The following STUM variants were observed in gnomAD, a reference collection of about 807,000 sequenced individuals.
The protein encoded by STUM is stum, mechanosensory transduction mediator homolog.
Under a neutral mutation model 15.3 loss-of-function variants are expected in STUM, and 8 were observed. The ratio of observed to expected loss-of-function variants is 0.52; its 90% CI spans 0.31 to 0.94. STUM has a LOEUF of 0.94. Among genes scored for constraint, STUM ranks in the 40% least tolerant of loss-of-function variants. The probability of loss-of-function intolerance (pLI) is 0.05; values close to 1 mark genes in which losing one functional copy is unlikely to be tolerated. For missense variants in STUM, 142 were observed against 204.9 expected, an observed-to-expected ratio of 0.69 and a Z score of 1.87; for synonymous variants, 78 against 88.7, an observed-to-expected ratio of 0.88 and a Z score of 0.68.
intron 1 of STUM, among the ~76,000 whole-genome samples, chr1:226,570,558 C>A (rs1008154542): frequency 6.6e-6 from 1 of 152,230 alleles, no homozygotes; most frequent in African/African-American, 2.4e-5. Flanking sequence ...GTTTCCACCC[C>A]ACAGGGGCCA....
chr1:226,564,589 C>G (rs980415941), intron 1 of STUM, among the ~76,000 whole-genome samples: 1 of 152,206 alleles, frequency 6.6e-6, no homozygotes, highest in Non-Finnish European at 1.5e-5. Flanking sequence ...TCTGGTCTAC[C>G]TGCCACTCTA....
intron 1 of STUM, among the ~76,000 whole-genome samples, chr1:226,573,819 AT>A (rs1667760346): frequency 6.6e-6 from 1 of 151,362 alleles, no homozygotes; most frequent in South Asian, 2.1e-4. Context: ...CTCCTAGTGA[AT>A]TTCCAGTGTA....
intron 1 of STUM, among the ~76,000 whole-genome samples, chr1:226,568,021 C>T (rs936333483): frequency 6.6e-6 from 1 of 152,124 alleles, no homozygotes; most frequent in African/African-American, 2.4e-5. Flanking sequence ...ATGTGCGTGC[C>T]CGGGAGCCTG....
At chr1:226,590,723 T>G (rs1231289735) in intron 1 of STUM, among the ~76,000 whole-genome samples, 1 of 152,126 alleles carries the variant, frequency 6.6e-6, no homozygotes, top group Non-Finnish European at 1.5e-5. Context: ...CTCCTCTGAG[T>G]CCAGTCTGTG....
rs1203607075 is a variant in STUM, at chr1:226,606,744, G to A, written c.*4704G>A. On this transcript the variant is annotated 3_prime_UTR_variant, in exon 4 of 4. Coordinates refer to ENST00000366788, the MANE Select transcript of STUM (RefSeq NM_001003665.4). The stretch of plus-strand genomic sequence containing the variant: ...TAGGGAGCAGCCTGAAGCCTTTGCT[G>A]TCAACCCTCCCAGGAAAGAAGCCGG... The A allele has an allele frequency of 6.6e-6, 1 of 152,228 alleles. No individual in the cohort carries two copies. Among genetic ancestry groups the A allele is most frequent in the East Asian group, 1.9e-4 (1 of 5,198 alleles). 9.4% of individuals were successfully genotyped at this position (152,228 alleles called of 1,614,324 possible).
intron 1 of STUM, among the ~76,000 whole-genome samples, chr1:226,560,602 G>A (rs887660506): frequency 3.3e-5 from 5 of 152,224 alleles, no homozygotes; most frequent in Non-Finnish European, 1.5e-5. Flanking sequence ...GATGGAGTGA[G>A]TCACTCTCTC....
At chr1:226,557,609 GT>G (rs1667466975) in intron 1 of STUM, among the ~76,000 whole-genome samples, 1 of 152,126 alleles carries the variant, frequency 6.6e-6, no homozygotes, top group African/African-American at 2.4e-5. Flanking sequence ...GTGTACAAGG[GT>G]TCCCCTTTTC....
rs1558276166 is a variant in STUM at position 226,552,516 on chromosome 1, A to G, written c.202+3410A>G. On this transcript the variant is annotated intron_variant, in intron 1 of 3. Coordinates refer to ENST00000366788, the MANE Select transcript of STUM (RefSeq NM_001003665.4). The surrounding 1 kb of genome is among the most constrained non-coding windows in gnomAD (Gnocchi z 4.7). ...GTCTAGTGGTCAGGGGTATAATTAT[A>G]CTTTTATATTTAAAAATTATATCTA... Among the ~76,000 whole-genome samples the G allele has an allele frequency of 6.6e-6, 1 of 152,304 alleles. No homozygotes were observed. The highest frequency in any genetic ancestry group is 2.1e-4 in the South Asian group (1 of 4,824).
intron 1 of STUM, among the ~76,000 whole-genome samples, chr1:226,594,166 A>G (rs1668134400): frequency 1.3e-5 from 2 of 152,180 alleles, no homozygotes. Context: ...TCTGAAGCAC[A>G]AAGGTGTGGG....
chr1:226,602,315 T>G lies in STUM; in HGVS notation c.*275T>G. ...GAGATGAGAACGCCCACAGAGAGGCTGGGATGCTCCGGCAGGCTCCAACTG... is the reference window on the plus strand; with the variant it reads ...GAGATGAGAACGCCCACAGAGAGGCGGGGATGCTCCGGCAGGCTCCAACTG... On this transcript the variant is annotated 3_prime_UTR_variant, in exon 4 of 4. Coordinates refer to ENST00000366788, the MANE Select transcript of STUM (RefSeq NM_001003665.4). 1 of 483,082 alleles carries G rather than the reference T, an allele frequency of 2.1e-6. No individual in the cohort carries two copies. The highest frequency in any genetic ancestry group is 3.3e-5 in the Admixed American group (1 of 30,198). The allele number at this position is 483,082 out of a possible 1,614,324, so 29.9% of individuals were successfully genotyped here.
chr1:226,596,480 G>T (rs1668181526), intron 1 of STUM, among the ~76,000 whole-genome samples: 1 of 152,182 alleles, frequency 6.6e-6, no homozygotes, highest in Admixed American at 6.5e-5. Context: ...CCTTGCAAGT[G>T]GCTTCCTGAT....
chr1:226,549,294 G>T lies in STUM; in HGVS notation c.202+188G>T, dbSNP rs1450671009. 1.3e-5 allele frequency among the ~76,000 whole-genome samples: 2 copies of T among 152,198 alleles called. No homozygotes were observed. The highest frequency in any genetic ancestry group is 2.4e-5 in the African/African-American group (1 of 41,458). ...GCGCGTGGAGTGTGCACCCCAGAGG[G>T]GAGAGGCTGCGCTGGGGTCTCCGAC... On this transcript the variant is annotated intron_variant, in intron 1 of 3. Coordinates refer to ENST00000366788, the MANE Select transcript of STUM (RefSeq NM_001003665.4). This position sits in a 1 kb window ranked among gnomAD's most constrained non-coding sequence, Gnocchi z 6.8.
At chr1:226,598,294 G>C (rs1312661170) in intron 2 of STUM, among the ~76,000 whole-genome samples, 1 of 152,192 alleles carries the variant, frequency 6.6e-6, no homozygotes, top group Non-Finnish European at 1.5e-5. Context: ...TGGAAGCTGG[G>C]AGGTGCTTCT....
At position 226,549,234 on chromosome 1, in the gene STUM, C is replaced by A; in HGVS notation, c.202+128C>A. 1.3e-6 allele frequency: 1 copy of A among 771,994 alleles called. No individual in the cohort carries two copies. The highest frequency in any genetic ancestry group is 2.0e-6 in the Non-Finnish European group (1 of 503,954). 47.8% of individuals were successfully genotyped at this position (771,994 alleles called of 1,614,324 possible). On this transcript the variant is annotated intron_variant, in intron 1 of 3. Transcript: ENST00000366788. This position sits in a 1 kb window ranked among gnomAD's most constrained non-coding sequence, Gnocchi z 6.8. The stretch of plus-strand genomic sequence containing the variant: ...TCCAAGTGCTGCGACCACGCGCCAC[C>A]GCCCGCTCCTGGCGTCCCCGGGCAG...
At chr1:226,573,917 C>T (rs551974412) in intron 1 of STUM, among the ~76,000 whole-genome samples, 1 of 151,994 alleles carries the variant, frequency 6.6e-6, no homozygotes, top group African/African-American at 2.4e-5. Context: ...TCACTGCAAC[C>T]TCCACCTCCT....
chr1:226,596,236 T>A (rs1395472941), intron 1 of STUM, among the ~76,000 whole-genome samples: 1 of 151,094 alleles, frequency 6.6e-6, no homozygotes, highest in Non-Finnish European at 1.5e-5. Flanking sequence ...ACACCTGTCC[T>A]AGTCTGCGCC....
chr1:226,559,967 C>A (rs1477358936), intron 1 of STUM, among the ~76,000 whole-genome samples: 2 of 80,354 alleles, frequency 2.5e-5, no homozygotes, highest in Non-Finnish European at 5.5e-5. Context: ...GAGCAAGACT[C>A]CGTCTCAAAA....
chr1:226,568,280 C>T (rs999329761), intron 1 of STUM, among the ~76,000 whole-genome samples: 9 of 152,190 alleles, frequency 5.9e-5, no homozygotes, highest in African/African-American at 2.2e-4. Flanking sequence ...CGGTGGGCCT[C>T]ATTCCGAGGG....
At chr1:226,554,480 T>TTGATG (rs1667417996) in intron 1 of STUM, among the ~76,000 whole-genome samples, 1 of 152,166 alleles carries the variant, frequency 6.6e-6, no homozygotes, top group Admixed American at 6.5e-5. Context: ...ACTGAAATAG[T>TTGATG]TGATGTGTTG....
Sources: allele counts gnomAD v4.1 joint callset (sites outside exome capture counted in the v4.1 genomes callset), GRCh38; gene constraint gnomAD v4.1.1; non-coding constraint Gnocchi (gnomAD v3.1); transcripts MANE v1.5; gene names NCBI Gene and HGNC (gene_info 2026-07-23, HGNC 2026-07-21).